MMP16: variants seen among roughly 807,000 people sequenced by gnomAD.
The protein encoded by MMP16 is matrix metallopeptidase 16, also known as matrix metalloproteinase-16.
Under a neutral mutation model 67.8 loss-of-function variants are expected in MMP16, and 12 were observed. The observed-to-expected ratio is 0.18, with a 90% confidence interval of 0.11 to 0.29. The LOEUF (loss-of-function observed/expected upper bound fraction) is 0.29. MMP16 is among the 10% of genes least tolerant of loss of function. The pLI, the probability that MMP16 is intolerant of heterozygous loss-of-function variation, is 1.00. For missense variants in MMP16, 475 were observed against 765.7 expected (o/e 0.62, Z 4.48); for synonymous variants, 249 against 255.9 (o/e 0.97, Z 0.26).
intron 4 of MMP16, among the ~76,000 whole-genome samples, chr8:88,139,996 C>T (rs995604023): frequency 6.6e-6 from 1 of 152,120 alleles, no homozygotes; most frequent in African/African-American, 2.4e-5. Context: ...CAACAATAAT[C>T]GTTTGCTATA....
intron 6 of MMP16, among the ~76,000 whole-genome samples, chr8:88,113,184 A>G (rs1809367984): frequency 6.6e-6 from 1 of 151,862 alleles, no homozygotes; most frequent in Non-Finnish European, 1.5e-5. Flanking sequence ...ACACATTTCA[A>G]TAAGAAATAA....
At position 88,313,240 on chromosome 8, in the gene MMP16, G is replaced by C. The variant is rs151174768; in HGVS notation, c.132+13835C>G. On this transcript the variant is annotated intron_variant, in intron 1 of 9. Coordinates refer to ENST00000286614, the MANE Select transcript of MMP16 (RefSeq NM_005941.5). The stretch of plus-strand genomic sequence containing the variant: ...TTGGGGGCAGCTTTTAACATTTCAT[G>C]CAGTGTTGCTGTGCTGGAGATAAAT... Among the ~76,000 whole-genome samples the C allele has an allele frequency of 2.2e-4, 33 of 152,256 alleles. 2 individuals carry two copies. Among genetic ancestry groups the C allele is most frequent in the Middle Eastern group, 3.4e-3 (1 of 294 alleles).
At chr8:88,225,263 T>C (rs942495759) in intron 1 of MMP16, among the ~76,000 whole-genome samples, 1 of 151,974 alleles carries the variant, frequency 6.6e-6, no homozygotes, top group African/African-American at 2.4e-5. Flanking sequence ...TTATTTCAAA[T>C]TAAAACTTAA....
At chr8:88,092,233 C>T (rs1808950443) in intron 6 of MMP16, among the ~76,000 whole-genome samples, 1 of 151,802 alleles carries the variant, frequency 6.6e-6, no homozygotes. Context: ...ATGGCTATAA[C>T]TTCCAGAATT....
At chr8:88,166,969 GGTGGATCACCTCGTGAGA>G (rs1325773094) in intron 4 of MMP16, among the ~76,000 whole-genome samples, 17 of 151,864 alleles carry the variant, frequency 1.1e-4, no homozygotes, top group Admixed American at 9.2e-4. Context: ...CTCCAAGGTG[GGTGGATCACCTCGTGAGA>G]GTGGATCACC....
intron 4 of MMP16, among the ~76,000 whole-genome samples, chr8:88,120,794 G>A (rs945513651): frequency 1.3e-5 from 2 of 151,812 alleles, no homozygotes; most frequent in African/African-American, 4.8e-5. Context: ...CAACTTCTTG[G>A]TCAGACAGTC....
chr8:88,296,286 GGTTT>G (rs1811012430), intron 1 of MMP16, among the ~76,000 whole-genome samples: 1 of 151,980 alleles, frequency 6.6e-6, no homozygotes, highest in South Asian at 2.1e-4. Context: ...GCATCTTATT[GGTTT>G]ATTTTTAATT....
At chr8:88,326,943 C>T in intron 1 of MMP16, 132 bp downstream of exon 1, 2 of 1,185,726 alleles carry the variant, frequency 1.7e-6, no homozygotes, top group Non-Finnish European at 2.4e-6. Context: ...GAACCAGGGT[C>T]TCCACAGCTG....
intron 5 of MMP16, 31 bp from the exon 6 acceptor site, chr8:88,116,749 C>A (rs1809444140): frequency 3.2e-6 from 5 of 1,586,024 alleles, no homozygotes; most frequent in Non-Finnish European, 3.5e-6. Context: ...GTGCTTGGCT[C>A]ACTTAAAACT....
chr8:88,085,794 T>C (rs551857846), intron 6 of MMP16, among the ~76,000 whole-genome samples: 18 of 152,162 alleles, frequency 1.2e-4, no homozygotes, highest in Non-Finnish European at 8.8e-5. Flanking sequence ...TGTTTACTAC[T>C]TGTGCTAAGT....
At chr8:88,110,265 A>C (rs1809312081) in intron 6 of MMP16, among the ~76,000 whole-genome samples, 1 of 151,476 alleles carries the variant, frequency 6.6e-6, no homozygotes, top group Non-Finnish European at 1.5e-5. Context: ...AATAACTAAG[A>C]AGCCAGGAAA....
At chr8:88,262,587 T>C (rs924436490) in intron 1 of MMP16, among the ~76,000 whole-genome samples, 13 of 152,164 alleles carry the variant, frequency 8.5e-5, no homozygotes, top group Non-Finnish European at 1.8e-4. Flanking sequence ...GTGGTAGTTA[T>C]ATAGGCTGTT....
intron 1 of MMP16, among the ~76,000 whole-genome samples, chr8:88,244,094 T>C (rs1810074399): frequency 6.6e-6 from 1 of 152,160 alleles, no homozygotes. Flanking sequence ...AGCTGACGTG[T>C]TTCCTTTGTT....
At chr8:88,153,726 T>C (rs1489061820) in intron 4 of MMP16, among the ~76,000 whole-genome samples, 1 of 148,890 alleles carries the variant, frequency 6.7e-6, no homozygotes, top group Non-Finnish European at 1.5e-5. Context: ...CAAGATGGAT[T>C]AAAGATTTAA....
rs1003795195 is a variant in MMP16, at chr8:88,159,826, G to C, written c.709+7843C>G. 5.3e-5 allele frequency among the ~76,000 whole-genome samples: 8 copies of C among 151,930 alleles called. No homozygotes were observed. In the South Asian group the frequency reaches 1.2e-3, roughly 24 times the overall value. ...GTCCCATCAATACCTAATTTTTTGA[G>C]AGTTTTTAGCATGAAGGGCTGTTGA... On this transcript the variant is annotated intron_variant, in intron 4 of 9. Transcript: ENST00000286614.
intron 1 of MMP16, among the ~76,000 whole-genome samples, chr8:88,280,645 C>T (rs1810718611): frequency 6.6e-6 from 1 of 152,152 alleles, no homozygotes; most frequent in East Asian, 1.9e-4. Flanking sequence ...ATTCCCAGCA[C>T]TTTGGGAGGC....
rs746562635 is a variant in MMP16, at chr8:88,327,185, T to C, written c.22A>G (p.Thr8Ala). 2.2e-5 allele frequency: 36 copies of C among 1,613,686 alleles called. No individual in the cohort carries two copies. Among genetic ancestry groups the C allele is most frequent in the East Asian group, 4.5e-5 (2 of 44,858 alleles). Residue 8 changes from threonine (T) to alanine (A), a missense_variant, in exon 1 of 10, where the codon ACT (threonine) becomes GCT (alanine). Thr to Ala is a moderately conservative substitution (Grantham distance 58). Coordinates refer to ENST00000286614, the MANE Select transcript of MMP16 (RefSeq NM_005941.5). Reference protein sequence around the residue: MILLTFSTGRRLDFVHHS... With the variant: MILLTFSAGRRLDFVHHS... ...TGCACGAAATCCAACCGTCTTCCAG[T>C]GCTGAATGTGAGTAAGATCATAGTG...
chr8:88,128,549 T>C (rs1196071674), intron 4 of MMP16, among the ~76,000 whole-genome samples: 1 of 151,718 alleles, frequency 6.6e-6, no homozygotes, highest in Non-Finnish European at 1.5e-5. Flanking sequence ...GATGTACATA[T>C]TATCGCAGAC....
At position 88,037,495 on chromosome 8, in the gene MMP16, A is replaced by C. The variant is rs1028243434; in HGVS notation, c.*3966T>G. ...ACTTAGTAATTTATCACATCGATTC[A>C]GAAAAGCCTTGCCCTCTGATTTATA... On this transcript the variant is annotated 3_prime_UTR_variant, in exon 10 of 10. Coordinates refer to ENST00000286614, the MANE Select transcript of MMP16 (RefSeq NM_005941.5). 1.4e-4 allele frequency: 22 copies of C among 151,932 alleles called. No homozygotes were observed. The highest frequency in any genetic ancestry group is 5.3e-4 in the African/African-American group (22 of 41,418). The allele number at this position is 151,932 out of a possible 1,614,324, so 9.4% of individuals were successfully genotyped here.
Sources: allele counts gnomAD v4.1 joint callset (sites outside exome capture counted in the v4.1 genomes callset), GRCh38; gene constraint gnomAD v4.1.1; transcripts MANE v1.5; gene names NCBI Gene and HGNC (gene_info 2026-07-23, HGNC 2026-07-21).